DHX34: variants seen among roughly 807,000 people sequenced by gnomAD.
DHX34 encodes the protein probable ATP-dependent RNA helicase DHX34.
A neutral mutation model predicts 111.1 loss-of-function variants in DHX34; 96 were observed. The observed-to-expected ratio is 0.86, with a 90% CI of 0.73 to 1.02. DHX34 has a LOEUF of 1.02. DHX34 is among the 50% of genes least tolerant of loss of function. The pLI, the probability that DHX34 is intolerant of heterozygous loss-of-function variation, is 0.00. For missense variants in DHX34, 1,560 were observed against 1,579.9 expected, an observed-to-expected ratio of 0.99 and a Z score of 0.21; for synonymous variants, 688 against 670.4, an observed-to-expected ratio of 1.03 and a Z score of -0.41.
chr19:47,363,558 C>G (rs1287280242), intron 6 of DHX34, among the ~76,000 whole-genome samples: 1 of 151,998 alleles, frequency 6.6e-6, no homozygotes, highest in Non-Finnish European at 1.5e-5. Flanking sequence ...TGGCTCACAC[C>G]TGTAATCCCA....
Position 47,377,030 on chromosome 19 carries a change from G to A in DHX34, c.2600-70G>A, listed in dbSNP as rs992829110. On this transcript the variant is annotated intron_variant, in intron 12 of 16. Transcript: ENST00000328771. ...CTATCGATGTGTACTTTGACCGGGT[G>A]GGACAGGCGGGCTTCTGATGGGCCT... 3.4e-5 allele frequency: 54 copies of A among 1,608,890 alleles called. No homozygotes were observed. In the Middle Eastern group the frequency reaches 4.9e-4, roughly 15 times the overall value.
At position 47,355,341 on chromosome 19, in the gene DHX34, C is replaced by T; in HGVS notation, c.1008C>T (p.Phe336=). ...APVVQVPGRL[F]PITVVYQPQE... The stretch of plus-strand genomic sequence containing the variant: ...TGGTACAGGTGCCTGGGAGGCTGTT[C>T]CCCATCACGGTGAGTACTTCCCCCT... Residue 336 remains phenylalanine (F), a synonymous_variant, in exon 3 of 17, where the codon TTC becomes TTT. Coordinates refer to ENST00000328771, the MANE Select transcript of DHX34 (RefSeq NM_014681.6). The T allele has an allele frequency of 6.2e-7, 1 of 1,612,856 alleles. No individual in the cohort carries two copies. The highest frequency in any genetic ancestry group is 8.5e-7 in the Non-Finnish European group (1 of 1,178,934).
rs561629197 is a variant in DHX34, at chr19:47,382,197, C to G, written c.*84C>G. 12 of 1,556,928 alleles carry G rather than the reference C, an allele frequency of 7.7e-6. No individual in the cohort carries two copies. In the South Asian group the frequency reaches 1.3e-4, roughly 17 times the overall value. On this transcript the variant is annotated 3_prime_UTR_variant, in exon 17 of 17. Coordinates refer to ENST00000328771, the MANE Select transcript of DHX34 (RefSeq NM_014681.6). The stretch of plus-strand genomic sequence containing the variant: ...AGGGGCAGGACTCTTGCCTGAACCC[C>G]CAGCCTGGGCTTAGCCCTGTGGTCC...
Position 47,376,474 on chromosome 19 carries a change from T to C in DHX34, c.2513T>C (p.Val838Ala). The C allele has an allele frequency of 6.2e-7, 1 of 1,611,316 alleles. No homozygotes were observed. Among genetic ancestry groups the C allele is most frequent in the Non-Finnish European group, 8.5e-7 (1 of 1,179,084 alleles). ...IFHTQAKQGA[V>A]LHPTCVFAGS... ...CACACGCAGGCCAAGCAGGGCGCCG[T>C]GCTGCACCCCACCTGCGTCTTCGCT... Residue 838 changes from valine (V) to alanine (A), a missense_variant, in exon 12 of 17, where the codon GTG becomes GCG. Transcript: ENST00000328771.
chr19:47,369,915 C>T (rs1969914244), intron 7 of DHX34, among the ~76,000 whole-genome samples: 1 of 152,090 alleles, frequency 6.6e-6, no homozygotes, highest in Non-Finnish European at 1.5e-5. Context: ...CAGTTCCCAG[C>T]CCTCCTGATC....
At position 47,376,460 on chromosome 19, in the gene DHX34, C is replaced by G; in HGVS notation, c.2499C>G (p.Ala833=). The G allele has an allele frequency of 6.2e-7, 1 of 1,611,796 alleles. No individual in the cohort carries two copies. The highest frequency in any genetic ancestry group is 8.5e-7 in the Non-Finnish European group (1 of 1,179,222). The part of the protein sequence containing the change: ...KDSDQIFHTQ[A]KQGAVLHPTC... Reference sequence around the variant, plus strand: ...CTCCGCAGATTTTCCACACGCAGGCCAAGCAGGGCGCCGTGCTGCACCCCA... The same window carrying G: ...CTCCGCAGATTTTCCACACGCAGGCGAAGCAGGGCGCCGTGCTGCACCCCA... Residue 833 remains alanine, a synonymous_variant, in exon 12 of 17, where the codon GCC becomes GCG. Coordinates refer to ENST00000328771, the MANE Select transcript of DHX34 (RefSeq NM_014681.6).
intron 5 of DHX34, among the ~76,000 whole-genome samples, chr19:47,361,328 C>T (rs1055463059): frequency 1.3e-5 from 2 of 151,548 alleles, no homozygotes; most frequent in Non-Finnish European, 2.9e-5. Flanking sequence ...CATGGTAGTG[C>T]GTGCTTGTAG....
At chr19:47,366,924 G>C in intron 6 of DHX34, 57 bp from the exon 7 acceptor site, 1 of 1,487,090 alleles carries the variant, frequency 6.7e-7, no homozygotes, top group Admixed American at 2.3e-5. Flanking sequence ...GAGCCCCGCT[G>C]TGCTGCACAG....
In DHX34 at chr19:47,376,503, A is replaced by G; in HGVS notation, c.2542A>G (p.Ser848Gly). 1 of 1,602,866 alleles carries G rather than the reference A, an allele frequency of 6.2e-7. No individual in the cohort carries two copies. Among genetic ancestry groups the G allele is most frequent in the East Asian group, 2.3e-5 (1 of 44,350 alleles). The stretch of plus-strand genomic sequence containing the variant: ...GCACCCCACCTGCGTCTTCGCTGGC[A>G]GCCCCGAGGTGCTGCACGCACAGGA... ...VLHPTCVFAGSPEVLHAQELE... is the reference protein window; with the variant it reads ...VLHPTCVFAGGPEVLHAQELE... The change falls in exon 12 of 17, where the codon AGC (serine) becomes GGC (glycine). Residue 848 changes from serine to glycine, a missense_variant. By Grantham distance (56) the Ser-to-Gly change is moderately conservative. Coordinates refer to ENST00000328771, the MANE Select transcript of DHX34 (RefSeq NM_014681.6).
At chr19:47,351,214 T>C (rs1969279033) in intron 1 of DHX34, among the ~76,000 whole-genome samples, 1 of 140,898 alleles carries the variant, frequency 7.1e-6, no homozygotes. Flanking sequence ...AGTCTCGCTC[T>C]GTTGCCCAGG....
rs1475867824 is a variant in DHX34, at chr19:47,353,504, G to A, written c.474G>A (p.Glu158=). The change falls in exon 2 of 17, where the codon GAG becomes GAA. Residue 158 remains glutamate, a synonymous_variant. Transcript: ENST00000328771. This position sits in a 1 kb window ranked among gnomAD's most constrained non-coding sequence, Gnocchi z 4.6. ...AFGRLAKLQR[E]RAALPIAQYG... ...GGCGTCTGGCCAAGCTGCAGCGTGAGCGGGCAGCCCTCCCCATCGCCCAGT... is the reference window on the plus strand; with the variant it reads ...GGCGTCTGGCCAAGCTGCAGCGTGAACGGGCAGCCCTCCCCATCGCCCAGT... 6.2e-7 allele frequency: 1 copy of A among 1,613,948 alleles called. No individual in the cohort carries two copies. The highest frequency in any genetic ancestry group is 1.1e-5 in the South Asian group (1 of 91,084).
Position 47,380,999 on chromosome 19 carries a change from A to AT in DHX34, c.3159+8dup, listed in dbSNP as rs528481304. On this transcript the variant is annotated splice_region_variant and intron_variant, in intron 15 of 16. Transcript: ENST00000328771. ...CACCTACAACTGCCTCACGGTAAGC[A>AT]TGAACCCTCCTTCCCTGAAGGTGGG... 257 of 1,561,744 alleles carry AT rather than the reference A, an allele frequency of 1.6e-4. No homozygotes were observed. In the African/African-American group the frequency reaches 2.6e-3, roughly 16 times the overall value.
intron 5 of DHX34, among the ~76,000 whole-genome samples, chr19:47,360,797 A>T (rs1436508409): frequency 6.6e-6 from 1 of 151,842 alleles, no homozygotes; most frequent in Non-Finnish European, 1.5e-5. Context: ...TCAGCCTCCC[A>T]AGTAGCTGGG....
chr19:47,375,736 G>T, intron 10 of DHX34, 28 bp downstream of exon 10: 1 of 1,559,212 alleles, frequency 6.4e-7, no homozygotes, highest in Non-Finnish European at 8.6e-7. Flanking sequence ...TGGGGTGTGG[G>T]GGTTTACCAA....
intron 5 of DHX34, among the ~76,000 whole-genome samples, chr19:47,361,068 T>G (rs1969617471): frequency 6.6e-6 from 1 of 152,216 alleles, no homozygotes. Context: ...TTGGAGACAC[T>G]GGAGCCTGCC....
chr19:47,376,592 T>C lies in DHX34; in HGVS notation c.2599+32T>C, dbSNP rs114169537. The C allele has an allele frequency of 6.5e-4, 1,005 of 1,546,198 alleles. 5 individuals are homozygous for C. In the African/African-American group the frequency reaches 0.012, roughly 19 times the overall value. On this transcript the variant is annotated intron_variant, in intron 12 of 16. Transcript: ENST00000328771. ...TGAGCCCAGGCGGAAGGAACCCCCA[T>C]CCGGGATGTGAGGGGCAGGGATACC...
chr19:47,356,774 T>TAAA (rs1288273881), intron 3 of DHX34, among the ~76,000 whole-genome samples: 1 of 151,776 alleles, frequency 6.6e-6, no homozygotes, highest in African/African-American at 2.4e-5. Flanking sequence ...GCCAACAAGG[T>TAAA]AAAACCCCGT....
intron 1 of DHX34, among the ~76,000 whole-genome samples, chr19:47,350,240 T>G (rs1969243385): frequency 6.6e-6 from 1 of 151,696 alleles, no homozygotes; most frequent in South Asian, 2.1e-4. Context: ...GAAAAAAAGA[T>G]TCAAACAGAA....
At position 47,357,664 on chromosome 19, in the gene DHX34, A is replaced by G. The variant is rs192684388; in HGVS notation, c.1018-202A>G. On this transcript the variant is annotated intron_variant, in intron 3 of 16. Coordinates refer to ENST00000328771, the MANE Select transcript of DHX34 (RefSeq NM_014681.6). ...TGCTGACTTTGAGAAATCCTGCCCA[A>G]TGAGATGGTGGCATAATGAGAAAGG... 4.8e-5 allele frequency: 39 copies of G among 820,446 alleles called. No homozygotes were observed. In the African/African-American group the frequency reaches 6.7e-4, roughly 14 times the overall value. 50.8% of individuals were successfully genotyped at this position (820,446 alleles called of 1,614,324 possible). A position where few individuals can be genotyped will look rare whatever the true frequency, so the allele number is the denominator to read the frequency against.
Sources: allele counts gnomAD v4.1 joint callset (sites outside exome capture counted in the v4.1 genomes callset), GRCh38; gene constraint gnomAD v4.1.1; non-coding constraint Gnocchi (gnomAD v3.1); transcripts MANE v1.5; gene names NCBI Gene and HGNC (gene_info 2026-07-23, HGNC 2026-07-21).